Variants in KIAA1671 observed in about 807,000 individuals in gnomAD.
KIAA1671 encodes the protein KIAA1671.
Under a neutral mutation model 131.2 loss-of-function variants are expected in KIAA1671, and 52 were observed. That is an observed-to-expected ratio of 0.40 (90% CI 0.32 to 0.50). The LOEUF is 0.50. Ranked by LOEUF, KIAA1671 falls within the 20% of genes least tolerant of loss-of-function variation. The pLI is 0.73. For synonymous variants in KIAA1671, 1,003 were observed against 961.6 expected, an observed-to-expected ratio of 1.04 and a Z score of -0.80; for missense variants, 2,360 against 2,364.2, an observed-to-expected ratio of 1.00 and a Z score of 0.04.
chr22:25,074,257 C>T (rs193113834), intron 6 of KIAA1671, among the ~76,000 whole-genome samples: 45 of 150,694 alleles, frequency 3.0e-4, no homozygotes, highest in African/African-American at 9.5e-4. Context: ...GTAATACCAG[C>T]GCTTTGGGAG....
At chr22:25,074,513 A>AG (rs143776042) in intron 6 of KIAA1671, among the ~76,000 whole-genome samples, 3 of 147,592 alleles carry the variant, frequency 2.0e-5, no homozygotes, top group South Asian at 2.2e-4. Flanking sequence ...AAAAAAAAAA[A>AG]AAAAGAAAGA....
intron 6 of KIAA1671, among the ~76,000 whole-genome samples, chr22:25,086,024 A>AT (rs1242808280): frequency 6.6e-6 from 1 of 152,188 alleles, no homozygotes; most frequent in Non-Finnish European, 1.5e-5. Context: ...AATGAATGTT[A>AT]TGCTGAATGA....
Position 25,185,089 on chromosome 22 carries a change from T to G in KIAA1671, c.5312T>G (p.Val1771Gly). ...PFQPGVLGSR[V>G]LPSSMDKDER... ...CAGCCTGGGGTGCTGGGCAGTCGCG[T>G]GCTGCCTTCCAGCATGGACAAGGAT... The change falls in exon 11 of 13, where the codon GTG (valine) becomes GGG (glycine). Residue 1771 changes from valine to glycine, a missense_variant. Physicochemically the swap from Val to Gly is moderately radical, Grantham distance 109. This residue lies in a region of KIAA1671 where 1,161 missense variants were observed against 1,204.7 expected (regional missense o/e 0.96). Transcript: ENST00000358431. The G allele has an allele frequency of 1.9e-6, 3 of 1,551,542 alleles. No homozygotes were observed. The highest frequency in any genetic ancestry group is 2.6e-6 in the Non-Finnish European group (3 of 1,146,928).
chr22:25,037,215 C>T (rs1016450027), intron 4 of KIAA1671, among the ~76,000 whole-genome samples: 11 of 151,794 alleles, frequency 7.2e-5, no homozygotes, highest in Non-Finnish European at 1.3e-4. Context: ...TTCAGCTACT[C>T]GGGAGGCTGA....
At chr22:25,004,625 G>A (rs1350999167) in intron 1 of KIAA1671, among the ~76,000 whole-genome samples, 1 of 152,078 alleles carries the variant, frequency 6.6e-6, no homozygotes, top group Non-Finnish European at 1.5e-5. Context: ...TTTTTCCCCT[G>A]AAACTCTTTG....
At chr22:25,155,221 T>A (rs1436778090) in intron 6 of KIAA1671, among the ~76,000 whole-genome samples, 1 of 152,262 alleles carries the variant, frequency 6.6e-6, no homozygotes, top group Non-Finnish European at 1.5e-5. Flanking sequence ...TTGTTTTGAA[T>A]GGAGACACCA....
chr22:25,119,500 T>C (rs1370524542), intron 6 of KIAA1671, among the ~76,000 whole-genome samples: 1 of 152,162 alleles, frequency 6.6e-6, no homozygotes, highest in Non-Finnish European at 1.5e-5. Flanking sequence ...CTGTGCTCAG[T>C]AGAGGAGAAA....
intron 6 of KIAA1671, among the ~76,000 whole-genome samples, chr22:25,092,051 C>T (rs533635719): frequency 2.0e-5 from 3 of 152,240 alleles, no homozygotes; most frequent in African/African-American, 4.8e-5. Flanking sequence ...CTGTGCCCGA[C>T]GCTGTTATAG....
At chr22:25,142,442 T>C (rs1932820158) in intron 6 of KIAA1671, among the ~76,000 whole-genome samples, 1 of 152,168 alleles carries the variant, frequency 6.6e-6, no homozygotes, top group Non-Finnish European at 1.5e-5. Context: ...AATTCCATGG[T>C]CACCAGGATT....
At chr22:25,068,605 T>G (rs919060137) in intron 6 of KIAA1671, among the ~76,000 whole-genome samples, 3 of 152,058 alleles carry the variant, frequency 2.0e-5, no homozygotes, top group African/African-American at 7.2e-5. Flanking sequence ...GCCGGCTAAT[T>G]TTTTATATTT....
chr22:25,189,176 C>T (rs568913705), intron 11 of KIAA1671, among the ~76,000 whole-genome samples: 14 of 125,418 alleles, frequency 1.1e-4, no homozygotes, highest in South Asian at 2.6e-4. Flanking sequence ...TGTTTTGAGA[C>T]GGATTCTTGC....
chr22:25,121,748 C>G (rs192827764), intron 6 of KIAA1671, among the ~76,000 whole-genome samples: 3 of 152,138 alleles, frequency 2.0e-5, no homozygotes, highest in Non-Finnish European at 4.4e-5. Context: ...ACATAAGTGA[C>G]GGCAAGCCCG....
chr22:25,086,785 T>C (rs1929747608), intron 6 of KIAA1671, among the ~76,000 whole-genome samples: 1 of 152,134 alleles, frequency 6.6e-6, no homozygotes, highest in Non-Finnish European at 1.5e-5. Context: ...AAGGCGCCAG[T>C]CCGAATCCCA....
At chr22:25,088,011 T>TTGG in intron 6 of KIAA1671, among the ~76,000 whole-genome samples, 1 of 152,318 alleles carries the variant, frequency 6.6e-6, no homozygotes, top group Middle Eastern at 3.4e-3. Context: ...CATGGAGTAG[T>TTGG]TGGTGCTCTG....
At position 25,039,633 on chromosome 22, in the gene KIAA1671, G is replaced by A. The variant is rs373683646; in HGVS notation, c.2503G>A (p.Val835Met). Residue 835 changes from valine (V) to methionine (M), a missense_variant, in exon 5 of 13, where the codon GTG becomes ATG. Transcript: ENST00000358431. ...GAVVSSHKATVAVSEEHCAPG... is the reference protein window; with the variant it reads ...GAVVSSHKATMAVSEEHCAPG... ...AGTGGTGAGCTCGCACAAAGCCACCGTGGCAGTCAGCGAAGAGCACTGTGC... is the reference window on the plus strand; with the variant it reads ...AGTGGTGAGCTCGCACAAAGCCACCATGGCAGTCAGCGAAGAGCACTGTGC... 23 of 1,548,578 alleles carry A rather than the reference G, an allele frequency of 1.5e-5. No individual in the cohort carries two copies. The highest frequency in any genetic ancestry group is 3.9e-5 in the Admixed American group (2 of 50,892).
chr22:25,034,784 C>G (rs2145797146), intron 4 of KIAA1671, among the ~76,000 whole-genome samples: 1 of 152,172 alleles, frequency 6.6e-6, no homozygotes, highest in African/African-American at 2.4e-5. Flanking sequence ...GTTGCCCAGG[C>G]TGGAGTGCAA....
At chr22:25,070,000 C>G (rs1420468330) in intron 6 of KIAA1671, 1 of 210,828 alleles carries the variant, frequency 4.7e-6, no homozygotes, top group Non-Finnish European at 9.3e-6. Context: ...GCATCACCTT[C>G]TCTCTTCTTG....
At chr22:24,996,620 G>A (rs539733440) in intron 1 of KIAA1671, among the ~76,000 whole-genome samples, 1 of 152,174 alleles carries the variant, frequency 6.6e-6, no homozygotes, top group Non-Finnish European at 1.5e-5. Flanking sequence ...AATAGGGCAG[G>A]GGAGGGGACA....
intron 1 of KIAA1671, among the ~76,000 whole-genome samples, chr22:25,006,845 C>G (rs1924775398): frequency 6.6e-6 from 1 of 152,124 alleles, no homozygotes; most frequent in African/African-American, 2.4e-5. Flanking sequence ...TTATAAGGAC[C>G]CTTGTGATGA....
Sources: gnomAD v4.1 joint callset for allele counts (sites outside exome capture counted in the v4.1 genomes callset) on GRCh38, gnomAD v4.1.1 for gene constraint, gnomAD v4.1.1 regional missense constraint, MANE v1.5 for transcripts, NCBI Gene and HGNC (gene_info 2026-07-23, HGNC 2026-07-21) for gene names.